The following OPCML variants were observed in gnomAD, a reference collection of about 807,000 sequenced individuals.
The protein encoded by OPCML is opioid-binding protein/cell adhesion molecule.
OPCML carries 13 observed loss-of-function variants against 37.8 expected under a neutral mutation model. The observed-to-expected ratio is 0.34, with a 90% CI of 0.22 to 0.55. The LOEUF is 0.55. Among genes scored for constraint, OPCML ranks in the 20% least tolerant of loss-of-function variants. The probability of loss-of-function intolerance (pLI) is 0.91; values close to 1 mark genes in which losing one functional copy is unlikely to be tolerated. For missense variants in OPCML, 341 were observed against 435.6 expected (o/e 0.78, Z 1.93); for synonymous variants, 176 against 168.8 (o/e 1.04, Z -0.33).
At chr11:133,035,217 C>T (rs1008340410) in intron 1 of OPCML, among the ~76,000 whole-genome samples, 2 of 152,202 alleles carry the variant, frequency 1.3e-5, no homozygotes, top group Non-Finnish European at 2.9e-5. Flanking sequence ...GCTTGCCACC[C>T]TATCTGTCAT....
chr11:133,241,847 C>T (rs1415868000), intron 1 of OPCML, among the ~76,000 whole-genome samples: 4 of 152,214 alleles, frequency 2.6e-5, no homozygotes, highest in Admixed American at 2.0e-4. Context: ...CACGCTTCCA[C>T]GCATGTATTT....
chr11:133,340,444 C>T (rs1458035656), intron 1 of OPCML, among the ~76,000 whole-genome samples: 1 of 152,144 alleles, frequency 6.6e-6, no homozygotes, highest in Non-Finnish European at 1.5e-5. Flanking sequence ...CTGTACTTTT[C>T]CCCACCTCCT....
intron 1 of OPCML, among the ~76,000 whole-genome samples, chr11:133,221,426 G>A (rs993501006): frequency 9.2e-5 from 14 of 152,178 alleles, no homozygotes; most frequent in Admixed American, 3.3e-4. Flanking sequence ...TTCCTCTTTC[G>A]TAACGTGGAG....
At chr11:133,010,211 G>C (rs1045024938) in intron 1 of OPCML, among the ~76,000 whole-genome samples, 1 of 152,150 alleles carries the variant, frequency 6.6e-6, no homozygotes, top group African/African-American at 2.4e-5. Flanking sequence ...CTCTGTCACA[G>C]CTCCCGTCCT....
intron 1 of OPCML, among the ~76,000 whole-genome samples, chr11:133,414,223 C>T (rs550242308): frequency 1.4e-3 from 212 of 152,250 alleles, no homozygotes; most frequent in African/African-American, 5.0e-3. Context: ...AAAAAGCCTC[C>T]ATGGTTTACC....
intron 1 of OPCML, among the ~76,000 whole-genome samples, chr11:133,395,459 G>A (rs1945264054): frequency 6.6e-6 from 1 of 152,156 alleles, no homozygotes; most frequent in Non-Finnish European, 1.5e-5. Context: ...TATTACTGAA[G>A]AAATCTTTGC....
intron 4 of OPCML, among the ~76,000 whole-genome samples, chr11:132,524,364 C>T (rs78497142): frequency 0.013 from 1,989 of 152,170 alleles, 38 homozygotes; most frequent in African/African-American, 0.045. Flanking sequence ...TGTGTGATTC[C>T]ATCATCATCC....
rs999202667 is a variant in OPCML, at chr11:132,700,356, A to T, written c.147-43037T>A. 3.3e-5 allele frequency among the ~76,000 whole-genome samples: 5 copies of T among 151,884 alleles called. No individual in the cohort carries two copies. In the East Asian group the frequency reaches 7.7e-4, roughly 23 times the overall value. ...TGGGCTTTGTTTGATCTTTTTTTCTAGTACCTATAGGCATAAAGCTAGGTG... is the reference window on the plus strand; with the variant it reads ...TGGGCTTTGTTTGATCTTTTTTTCTTGTACCTATAGGCATAAAGCTAGGTG... On this transcript the variant is annotated intron_variant, in intron 2 of 7. Coordinates refer to ENST00000524381, the MANE Select transcript of OPCML (RefSeq NM_001012393.5).
chr11:132,753,113 C>T (rs1157865087), intron 2 of OPCML, among the ~76,000 whole-genome samples: 1 of 152,026 alleles, frequency 6.6e-6, no homozygotes, highest in Non-Finnish European at 1.5e-5. Context: ...TGCACTCTGG[C>T]CCCACAAGCC....
chr11:133,270,802 G>A (rs534372259), intron 1 of OPCML, among the ~76,000 whole-genome samples: 6 of 152,234 alleles, frequency 3.9e-5, no homozygotes, highest in South Asian at 4.2e-4. Flanking sequence ...GTCCAGAATC[G>A]TAGGTATGAG....
intron 2 of OPCML, among the ~76,000 whole-genome samples, chr11:132,824,336 C>T (rs1338736830): frequency 6.6e-6 from 1 of 152,166 alleles, no homozygotes; most frequent in Non-Finnish European, 1.5e-5. Flanking sequence ...TTAGTTTTCT[C>T]TGCTCATTGC....
At chr11:133,529,869 A>T (rs1948568198) in intron 1 of OPCML, among the ~76,000 whole-genome samples, 1 of 152,214 alleles carries the variant, frequency 6.6e-6, no homozygotes, top group Non-Finnish European at 1.5e-5. Context: ...GCTCATCAGA[A>T]CTTCCGGATC....
chr11:133,081,573 C>G (rs1278179887), intron 1 of OPCML, among the ~76,000 whole-genome samples: 2 of 152,184 alleles, frequency 1.3e-5, no homozygotes, highest in Non-Finnish European at 2.9e-5. Flanking sequence ...AGATTGACTT[C>G]TCTTCTTGAG....
chr11:132,606,007 G>C (rs377316327), intron 3 of OPCML, among the ~76,000 whole-genome samples: 2 of 152,218 alleles, frequency 1.3e-5, no homozygotes, highest in Middle Eastern at 3.4e-3. Context: ...GTTACCCTTG[G>C]CACCTGTAAG....
chr11:133,307,849 GT>G (rs765416360), intron 1 of OPCML, among the ~76,000 whole-genome samples: 2,862 of 145,868 alleles, frequency 0.02, 30 homozygotes, highest in South Asian at 0.032. Context: ...TTGTTTCCAA[GT>G]TTTTTTTTTT....
chr11:133,302,147 A>G (rs1438684378), intron 1 of OPCML: 1 of 152,100 alleles, frequency 6.6e-6, no homozygotes, highest in African/African-American at 2.4e-5. Flanking sequence ...AGCTTCTGAT[A>G]TGGCTTGGCT....
chr11:133,413,226 G>A (rs1437610904), intron 1 of OPCML, among the ~76,000 whole-genome samples: 1 of 151,738 alleles, frequency 6.6e-6, no homozygotes, highest in African/African-American at 2.4e-5. Flanking sequence ...AGACCGAGGG[G>A]TAGGAGTTGT....
intron 2 of OPCML, among the ~76,000 whole-genome samples, chr11:132,866,887 C>T (rs1177290947): frequency 1.3e-5 from 2 of 152,166 alleles, no homozygotes; most frequent in Non-Finnish European, 1.5e-5. Flanking sequence ...CCTTGATCTT[C>T]CTTCTGTATA....
chr11:132,598,364 T>A lies in OPCML; in HGVS notation c.379+58723A>T, dbSNP rs578218366. On this transcript the variant is annotated intron_variant, in intron 3 of 7. Coordinates refer to ENST00000524381, the MANE Select transcript of OPCML (RefSeq NM_001012393.5). ...GACCCCTTGCAGGCTACCTGGAACA[T>A]AGTAGACACTCAATGAATTTTTTTA... is the stretch of plus-strand genomic sequence containing the variant. Among the ~76,000 whole-genome samples, 147 of 152,308 alleles carry A rather than the reference T, an allele frequency of 9.7e-4. 3 individuals are homozygous for A. In the South Asian group the frequency reaches 0.029, roughly 30 times the overall value.
Sources: gnomAD v4.1 joint callset for allele counts (sites outside exome capture counted in the v4.1 genomes callset) on GRCh38, gnomAD v4.1.1 for gene constraint, MANE v1.5 for transcripts, NCBI Gene and HGNC (gene_info 2026-07-23, HGNC 2026-07-21) for gene names.